IQGAP1: variants seen among roughly 807,000 people sequenced by gnomAD.
IQGAP1 encodes ras GTPase-activating-like protein IQGAP1.
IQGAP1 carries 66 observed loss-of-function variants against 215.6 expected under a neutral mutation model. The ratio of observed to expected loss-of-function variants is 0.31; its 90% confidence interval spans 0.25 to 0.38. The LOEUF (loss-of-function observed/expected upper bound fraction) is 0.38. IQGAP1 is among the 10% of genes least tolerant of loss of function. IQGAP1 has a pLI of 1.00. For synonymous variants in IQGAP1, 772 were observed against 728.7 expected (o/e 1.06, Z -0.96); for missense variants, 1,712 against 1,997.1 (o/e 0.86, Z 2.72).
At chr15:90,478,023 C>T in intron 26 of IQGAP1, 134 bp downstream of exon 26, 1 of 663,844 alleles carries the variant, frequency 1.5e-6, no homozygotes. Context: ...CAGAGTTTCA[C>T]TCTTGTCGTC....
chr15:90,462,005 A>AG (rs60343743), intron 15 of IQGAP1, among the ~76,000 whole-genome samples: 6 of 139,608 alleles, frequency 4.3e-5, no homozygotes, highest in Non-Finnish European at 9.4e-5. Flanking sequence ...AAAAAGAAAA[A>AG]AAAAAAATTA....
intron 5 of IQGAP1, among the ~76,000 whole-genome samples, chr15:90,435,293 G>A (rs926568272): frequency 3.3e-5 from 5 of 152,032 alleles, no homozygotes; most frequent in African/African-American, 9.7e-5. Flanking sequence ...CCTGGGCAAC[G>A]TAGCGAGACC....
chr15:90,443,264 T>C, intron 8 of IQGAP1, 130 bp from the exon 9 acceptor site: 1 of 549,516 alleles, frequency 1.8e-6, no homozygotes, highest in Non-Finnish European at 3.3e-6. Flanking sequence ...CCTGCTTTGT[T>C]CTTTATAAAG....
intron 15 of IQGAP1, 30 bp from the exon 16 acceptor site, chr15:90,465,971 C>A: frequency 6.4e-7 from 1 of 1,558,260 alleles, no homozygotes; most frequent in Non-Finnish European, 8.9e-7. Flanking sequence ...GATTTCATGA[C>A]TTTAATATTT....
At chr15:90,446,420 T>C (rs1240028538) in intron 9 of IQGAP1, among the ~76,000 whole-genome samples, 1 of 152,186 alleles carries the variant, frequency 6.6e-6, no homozygotes, top group Non-Finnish European at 1.5e-5. Context: ...TTAGGGCAGC[T>C]TGATTAGAGC....
chr15:90,428,301 T>A (rs1965254547), intron 3 of IQGAP1, among the ~76,000 whole-genome samples: 1 of 152,026 alleles, frequency 6.6e-6, no homozygotes, highest in East Asian at 1.9e-4. Flanking sequence ...GGTCTCCAAC[T>A]CCTGGGCTTA....
At chr15:90,448,902 C>T (rs1433132579) in intron 10 of IQGAP1, among the ~76,000 whole-genome samples, 166 bp downstream of exon 10, 1 of 152,152 alleles carries the variant, frequency 6.6e-6, no homozygotes, top group Non-Finnish European at 1.5e-5. Context: ...TACACATTGT[C>T]TTCAGCTCAC....
At chr15:90,425,131 G>A (rs1302898073) in intron 2 of IQGAP1, among the ~76,000 whole-genome samples, 2 of 151,960 alleles carry the variant, frequency 1.3e-5, no homozygotes, top group South Asian at 2.1e-4. Flanking sequence ...TCAATATGAC[G>A]AAGCCCCGTC....
rs1965653695 is a variant in IQGAP1 at position 90,454,619 on chromosome 15, T to C, written c.1612+67T>C. The C allele has an allele frequency of 3.4e-6, 5 of 1,455,784 alleles. No individual in the cohort carries two copies. In the Admixed American group the frequency reaches 1.3e-4, roughly 37 times the overall value. 90.2% of individuals were successfully genotyped at this position (1,455,784 alleles called of 1,614,324 possible). On this transcript the variant is annotated intron_variant, in intron 14 of 37. Coordinates refer to ENST00000268182, the MANE Select transcript of IQGAP1 (RefSeq NM_003870.4). ...ATGATGATGTGATTCCATGAAGTGGTTCAAAATACTACTCCTAGAAGGATT... is the reference window on the plus strand; with the variant it reads ...ATGATGATGTGATTCCATGAAGTGGCTCAAAATACTACTCCTAGAAGGATT...
intron 2 of IQGAP1, among the ~76,000 whole-genome samples, chr15:90,413,133 A>C (rs1374036242): frequency 6.6e-6 from 1 of 152,202 alleles, no homozygotes; most frequent in African/African-American, 2.4e-5. Context: ...AAGTGTTATC[A>C]GTAAGACAAG....
chr15:90,403,227 G>A (rs1185745621), intron 2 of IQGAP1, among the ~76,000 whole-genome samples: 1 of 152,178 alleles, frequency 6.6e-6, no homozygotes, highest in Non-Finnish European at 1.5e-5. Flanking sequence ...AGTGAGCTAC[G>A]ATCACACTGC....
In IQGAP1 at chr15:90,497,235, T is replaced by G; in HGVS notation, c.4755T>G (p.Phe1585Leu). 2 of 1,554,710 alleles carry G rather than the reference T, an allele frequency of 1.3e-6. No homozygotes were observed. The highest frequency in any genetic ancestry group is 1.8e-6 in the Non-Finnish European group (2 of 1,127,646). The change falls in exon 37 of 38, where the codon TTT becomes TTG. Residue 1585 changes from phenylalanine (F) to leucine (L), a missense_variant. Around this residue, in one of 2 missense-constraint regions of IQGAP1, gnomAD observed 691 missense variants for 923.0 expected, o/e 0.75. Transcript: ENST00000268182. ...TTACGATGTTATCTTTCAACAGGTTTAAAAATGTTATATTTGAAATCAGTC... is the reference window on the plus strand; with the variant it reads ...TTACGATGTTATCTTTCAACAGGTTGAAAAATGTTATATTTGAAATCAGTC... ...LEIEDLQVNQFKNVIFEISPT... is the reference protein window; with the variant it reads ...LEIEDLQVNQLKNVIFEISPT...
chr15:90,450,449 T>A (rs1965587693), intron 11 of IQGAP1, among the ~76,000 whole-genome samples: 1 of 151,382 alleles, frequency 6.6e-6, no homozygotes, highest in African/African-American at 2.4e-5. Context: ...GAGTGCTGAT[T>A]TCCTTTCTTT....
intron 26 of IQGAP1, 68 bp from the exon 27 acceptor site, chr15:90,481,892 A>G: frequency 2.0e-6 from 3 of 1,530,962 alleles, no homozygotes; most frequent in South Asian, 1.2e-5. Context: ...ATGAAAGATA[A>G]GACACTTGCT....
At chr15:90,498,664 G>C (rs11638780) in intron 37 of IQGAP1, among the ~76,000 whole-genome samples, 124 of 151,542 alleles carry the variant, frequency 8.2e-4, no homozygotes, top group African/African-American at 2.8e-3. Context: ...TTTTTGGAGG[G>C]GGGGGCAGAG....
rs1195433757 is a variant in IQGAP1 at position 90,483,823 on chromosome 15, AATG to A, written c.3788+236_3788+238del. Among the ~76,000 whole-genome samples, 4 of 152,378 alleles carry A rather than the reference AATG, an allele frequency of 2.6e-5. No individual in the cohort carries two copies. The East Asian group carries it at 7.7e-4, about 29-fold the overall frequency. On this transcript the variant is annotated intron_variant, in intron 29 of 37. Coordinates refer to ENST00000268182, the MANE Select transcript of IQGAP1 (RefSeq NM_003870.4). ...AATAGATAGTAGTTAACATAAAAAT[AATG>A]ATGATTATGCATTTAGTACATGTTA...
chr15:90,398,094 C>T (rs750468798), intron 2 of IQGAP1, among the ~76,000 whole-genome samples: 1 of 151,764 alleles, frequency 6.6e-6, no homozygotes, highest in Non-Finnish European at 1.5e-5. Flanking sequence ...CCATGTTGGC[C>T]AGGCTGGTCT....
intron 24 of IQGAP1, 25 bp downstream of exon 24, chr15:90,476,843 T>C: frequency 6.3e-7 from 1 of 1,577,828 alleles, no homozygotes; most frequent in Non-Finnish European, 8.5e-7. Context: ...GAATCAGTGT[T>C]ATAAAAATTT....
intron 18 of IQGAP1, among the ~76,000 whole-genome samples, 187 bp downstream of exon 18, chr15:90,467,779 T>C (rs1965852059): frequency 6.6e-6 from 1 of 152,188 alleles, no homozygotes; most frequent in Non-Finnish European, 1.5e-5. Context: ...TTGTAAAACA[T>C]CTGAATTATA....
Sources: gnomAD v4.1 joint callset for allele counts (sites outside exome capture counted in the v4.1 genomes callset) on GRCh38, gnomAD v4.1.1 for gene constraint, gnomAD v4.1.1 regional missense constraint, MANE v1.5 for transcripts, NCBI Gene and HGNC (gene_info 2026-07-23, HGNC 2026-07-21) for gene names.